Variants in EIF4G3 observed in about 807,000 individuals in gnomAD.
EIF4G3 encodes eukaryotic translation initiation factor 4 gamma 3.
Under a neutral mutation model 186.4 loss-of-function variants are expected in EIF4G3, and 34 were observed. That is an observed-to-expected ratio of 0.18 (90% CI 0.14 to 0.24). EIF4G3 has a LOEUF of 0.24. Ranked by LOEUF, EIF4G3 falls within the 10% of genes least tolerant of loss-of-function variation. The probability of loss-of-function intolerance (pLI) is 1.00; values close to 1 mark genes in which losing one functional copy is unlikely to be tolerated. For missense variants in EIF4G3, 1,536 were observed against 1,948.5 expected (o/e 0.79, Z 3.99); for synonymous variants, 673 against 679.5 (o/e 0.99, Z 0.15).
chr1:20,885,989 T>C (rs1338119487), intron 19 of EIF4G3, among the ~76,000 whole-genome samples: 1 of 152,186 alleles, frequency 6.6e-6, no homozygotes, highest in Admixed American at 6.5e-5. Flanking sequence ...CTAGACCTGG[T>C]AACTATTCTG....
intron 36 of EIF4G3, among the ~76,000 whole-genome samples, chr1:20,808,245 A>T (rs1320087952): frequency 6.6e-6 from 1 of 151,694 alleles, no homozygotes; most frequent in Non-Finnish European, 1.5e-5. Flanking sequence ...CTCAATCTAA[A>T]CCCTATAAAA....
In EIF4G3 at chr1:20,807,294, T is replaced by A; in HGVS notation, c.*25A>T. The stretch of plus-strand genomic sequence containing the variant: ...AAAAAAATACTTAAATTGTTTCTTT[T>A]GTTTCATTTTGTGTATTTGAAGTTT... On this transcript the variant is annotated 3_prime_UTR_variant, in exon 37 of 37. Transcript: ENST00000602326. 2 of 1,546,770 alleles carry A rather than the reference T, an allele frequency of 1.3e-6. No individual in the cohort carries two copies. Among genetic ancestry groups the A allele is most frequent in the Non-Finnish European group, 8.8e-7 (1 of 1,140,170 alleles).
intron 2 of EIF4G3, among the ~76,000 whole-genome samples, chr1:21,138,390 T>TA (rs1347621219): frequency 6.6e-6 from 1 of 151,492 alleles, no homozygotes; most frequent in Non-Finnish European, 1.5e-5. Context: ...TGGAACAGAG[T>TA]AAAAAATGCA....
At position 20,981,491 on chromosome 1, in the gene EIF4G3, TAC is replaced by T. The variant is rs1470014264; in HGVS notation, c.199-266_199-265del. ...ATATACGTATGTATATATGCATACA[TAC>T]ATGTATACGCACATACTGTATATAT... On this transcript the variant is annotated intron_variant, in intron 8 of 36. Transcript: ENST00000602326. 5.3e-4 allele frequency among the ~76,000 whole-genome samples: 73 copies of T among 137,416 alleles called. 2 individuals carry two copies. Among genetic ancestry groups the T allele is most frequent in the South Asian group, 9.0e-4 (4 of 4,454 alleles). The allele number at this position is 137,416 out of a possible 152,430, so 90.2% of individuals were successfully genotyped here.
At chr1:20,850,936 A>G (rs190911270) in intron 28 of EIF4G3, among the ~76,000 whole-genome samples, 2 of 152,340 alleles carry the variant, frequency 1.3e-5, no homozygotes, top group East Asian at 3.9e-4. Context: ...AGCTCTACAC[A>G]GCATACACAA....
chr1:21,151,236 CTTTT>C (rs71014161), intron 2 of EIF4G3, among the ~76,000 whole-genome samples: 4 of 80,408 alleles, frequency 5.0e-5, no homozygotes, highest in African/African-American at 1.9e-4. Flanking sequence ...GTATTTCTTT[CTTTT>C]TTTTTTTTTT....
chr1:21,131,567 A>C (rs1403145838), intron 2 of EIF4G3, among the ~76,000 whole-genome samples: 2 of 152,176 alleles, frequency 1.3e-5, no homozygotes, highest in Non-Finnish European at 1.5e-5. Context: ...AAAATCAAAC[A>C]GCATGAAGGC....
chr1:20,906,022 A>C (rs777384063), intron 14 of EIF4G3, among the ~76,000 whole-genome samples: 3 of 152,070 alleles, frequency 2.0e-5, no homozygotes, highest in Non-Finnish European at 4.4e-5. Context: ...GAAAAAGGAG[A>C]CGTTTAATAT....
At chr1:21,007,685 T>C (rs749769874) in intron 4 of EIF4G3, among the ~76,000 whole-genome samples, 9 of 151,712 alleles carry the variant, frequency 5.9e-5, no homozygotes, top group Non-Finnish European at 1.3e-4. Context: ...CATAATAATA[T>C]TAAGTGACAA....
At chr1:21,146,521 G>T (rs1452286053) in intron 2 of EIF4G3, among the ~76,000 whole-genome samples, 2 of 152,186 alleles carry the variant, frequency 1.3e-5, no homozygotes, top group Non-Finnish European at 1.5e-5. Context: ...AGCACTTTGG[G>T]AGGCCAAAGC....
At chr1:20,872,877 C>G (rs564337155) in intron 20 of EIF4G3, among the ~76,000 whole-genome samples, 1 of 152,174 alleles carries the variant, frequency 6.6e-6, no homozygotes. Flanking sequence ...GCTGGGATTA[C>G]AGGCATGCGC....
chr1:20,924,506 C>A (rs551254170), intron 14 of EIF4G3, among the ~76,000 whole-genome samples: 40 of 152,148 alleles, frequency 2.6e-4, no homozygotes, highest in South Asian at 6.2e-4. Context: ...AGGTACCTTT[C>A]GAAATTTGAC....
At chr1:20,858,268 C>G (rs1005359448) in intron 24 of EIF4G3, among the ~76,000 whole-genome samples, 1 of 152,198 alleles carries the variant, frequency 6.6e-6, no homozygotes, top group Non-Finnish European at 1.5e-5. Context: ...AATCTGGCTC[C>G]TGCTGCCTCT....
Position 20,814,863 on chromosome 1 carries a change from G to GGC in EIF4G3, c.4516-1626_4516-1625dup, listed in dbSNP as rs1203021116. Among the ~76,000 whole-genome samples, 14 of 114,904 alleles carry GGC rather than the reference G, an allele frequency of 1.2e-4. No individual in the cohort carries two copies. The Admixed American group carries it at 1.3e-3, about 11-fold the overall frequency. The allele number at this position is 114,904 out of a possible 152,430, so 75.4% of individuals were successfully genotyped here. ...AGCTGGACGGTACTGCTGCCATCTC[G>GGC]GCTCACTGCAACCTCCCTGCCTGAT... On this transcript the variant is annotated intron_variant, in intron 34 of 36. Coordinates refer to ENST00000602326, the MANE Select transcript of EIF4G3 (RefSeq NM_001391906.1).
chr1:21,166,596 T>C (rs2097859168), intron 2 of EIF4G3, among the ~76,000 whole-genome samples: 1 of 151,960 alleles, frequency 6.6e-6, no homozygotes, highest in Non-Finnish European at 1.5e-5. Context: ...TGTGGTGGCG[T>C]GCACCTGTAA....
At chr1:20,816,803 C>G (rs1378688592) in intron 34 of EIF4G3, among the ~76,000 whole-genome samples, 5 of 92,628 alleles carry the variant, frequency 5.4e-5, no homozygotes, top group African/African-American at 7.6e-5. Context: ...AATAGAAAGG[C>G]GGGAAGGGTG....
In EIF4G3 at chr1:20,969,454, T is replaced by C; in HGVS notation, c.714+20A>G. 1 of 1,613,444 alleles carries C rather than the reference T, an allele frequency of 6.2e-7. No homozygotes were observed. Among genetic ancestry groups the C allele is most frequent in the East Asian group, 2.2e-5 (1 of 44,854 alleles). On this transcript the variant is annotated intron_variant, in intron 12 of 36. Coordinates refer to ENST00000602326, the MANE Select transcript of EIF4G3 (RefSeq NM_001391906.1). ...TTAGTGAACAAATAGTGCCATCCAT[T>C]ACAGCTCACTCTGTCTTACCTGAGG...
At chr1:21,067,600 T>A (rs1375335841) in intron 3 of EIF4G3, among the ~76,000 whole-genome samples, 1 of 152,118 alleles carries the variant, frequency 6.6e-6, no homozygotes, top group Non-Finnish European at 1.5e-5. Context: ...AGAATACAAC[T>A]GAGTACCACA....
intron 2 of EIF4G3, among the ~76,000 whole-genome samples, chr1:21,125,742 TAAATATATATAA>T (rs1261711326): frequency 6.9e-6 from 1 of 144,534 alleles, no homozygotes; most frequent in African/African-American, 2.6e-5. Flanking sequence ...TATATATAAA[TAAATATATATAA>T]TTTTTTTATA....
Sources: allele counts gnomAD v4.1 joint callset (sites outside exome capture counted in the v4.1 genomes callset), GRCh38; gene constraint gnomAD v4.1.1; transcripts MANE v1.5; gene names NCBI Gene and HGNC (gene_info 2026-07-23, HGNC 2026-07-21).